The following THSD4 variants were observed in gnomAD, a reference collection of about 807,000 sequenced individuals.
THSD4 encodes the protein thrombospondin type-1 domain-containing protein 4.
In THSD4, 69 loss-of-function variants were observed where a neutral mutation model predicts 119.0. The ratio of observed to expected loss-of-function variants is 0.58; its 90% confidence interval spans 0.48 to 0.71. The LOEUF (loss-of-function observed/expected upper bound fraction) is 0.71, where lower values mean the gene tolerates loss of function less well. Ranked by LOEUF, THSD4 falls within the 30% of genes least tolerant of loss-of-function variation. The pLI, the probability that THSD4 is intolerant of heterozygous loss-of-function variation, is 0.00. For synonymous variants in THSD4, 524 were observed against 540.4 expected (o/e 0.97, Z 0.42); for missense variants, 1,393 against 1,391.1 (o/e 1.00, Z -0.02).
chr15:71,288,022 A>G (rs2068040), intron 6 of THSD4, among the ~76,000 whole-genome samples: 7,157 of 152,302 alleles, frequency 0.047, 220 homozygotes, highest in South Asian at 0.098. Context: ...AAATATAGAT[A>G]GGCCACCTAC....
intron 15 of THSD4, 148 bp downstream of exon 15, chr15:71,758,223 T>A (rs2053577107): frequency 9.6e-7 from 1 of 1,037,654 alleles, no homozygotes; most frequent in Non-Finnish European, 1.4e-6. Context: ...AAGCTATTTA[T>A]ATTTCTGGAG....
rs548423676 is a variant in THSD4, at chr15:71,777,904, C to T, written c.*530C>T. The stretch of plus-strand genomic sequence containing the variant: ...CAAAGACATTAGACTGTTTTCCTGC[C>T]CTATGACACAGATAGCTCACATGAA... On this transcript the variant is annotated 3_prime_UTR_variant, in exon 18 of 18. Coordinates refer to ENST00000261862, the MANE Select transcript of THSD4 (RefSeq NM_024817.3). 5.0e-5 allele frequency: 8 copies of T among 160,632 alleles called. No individual in the cohort carries two copies. In the South Asian group the frequency reaches 1.4e-3, roughly 29 times the overall value. 10.0% of individuals were successfully genotyped at this position (160,632 alleles called of 1,614,324 possible).
intron 7 of THSD4, among the ~76,000 whole-genome samples, chr15:71,480,238 A>G (rs527728872): frequency 6.6e-5 from 10 of 152,200 alleles, no homozygotes; most frequent in South Asian, 4.1e-4. Context: ...AAGTCTTACT[A>G]TGTTGCCCAC....
At chr15:71,476,769 A>C (rs888390520) in intron 7 of THSD4, among the ~76,000 whole-genome samples, 2 of 152,168 alleles carry the variant, frequency 1.3e-5, no homozygotes, top group African/African-American at 2.4e-5. Context: ...TTGTTCAAGA[A>C]ACAGTGCAGC....
At chr15:71,172,700 T>C (rs1405535910) in intron 3 of THSD4, among the ~76,000 whole-genome samples, 6 of 98,740 alleles carry the variant, frequency 6.1e-5, no homozygotes, top group South Asian at 3.1e-4. Context: ...TATATATATA[T>C]ATATATATAT....
At chr15:71,692,011 A>G (rs1182565516) in intron 8 of THSD4, among the ~76,000 whole-genome samples, 1 of 152,248 alleles carries the variant, frequency 6.6e-6, no homozygotes, top group East Asian at 1.9e-4. Context: ...AGGGATAACA[A>G]CATTCCAGCT....
At chr15:71,642,629 G>A (rs911554504) in intron 7 of THSD4, among the ~76,000 whole-genome samples, 1 of 152,168 alleles carries the variant, frequency 6.6e-6, no homozygotes, top group Non-Finnish European at 1.5e-5. Context: ...CGTAAAAAAT[G>A]ATGAGTTCAC....
chr15:71,641,531 A>T (rs2050858057), intron 7 of THSD4, among the ~76,000 whole-genome samples: 2 of 152,074 alleles, frequency 1.3e-5, no homozygotes, highest in African/African-American at 4.8e-5. Flanking sequence ...ATTGACAGAA[A>T]GGTTATGCGT....
intron 16 of THSD4, among the ~76,000 whole-genome samples, chr15:71,768,495 T>C (rs1378789714): frequency 6.6e-6 from 1 of 150,994 alleles, no homozygotes; most frequent in Non-Finnish European, 1.5e-5. Context: ...GGGAAACCTA[T>C]GGATTGAAAG....
At chr15:71,156,988 T>G (rs1458354538) in intron 3 of THSD4, among the ~76,000 whole-genome samples, 2 of 152,338 alleles carry the variant, frequency 1.3e-5, no homozygotes, top group Non-Finnish European at 2.9e-5. Flanking sequence ...ATTCATAATA[T>G]CAGGAGTCAG....
chr15:71,598,279 A>G (rs1567055154), intron 7 of THSD4, among the ~76,000 whole-genome samples: 2 of 152,330 alleles, frequency 1.3e-5, no homozygotes, highest in South Asian at 4.1e-4. Flanking sequence ...TATCCAGCCC[A>G]TGATACATTT....
chr15:71,486,630 T>TG (rs2047825946), intron 7 of THSD4, among the ~76,000 whole-genome samples: 1 of 141,724 alleles, frequency 7.1e-6, no homozygotes, highest in South Asian at 2.3e-4. Context: ...TTTTTTTTTT[T>TG]TTTTTTATTT....
In THSD4 at chr15:71,590,159, C is replaced by T. The variant is rs185925994; in HGVS notation, c.1153-70371C>T. ...TTCAGTCATATCTGTTGGGTTAAGACAAATCTGGGTGATGGAAACCCAAGT... is the reference window on the plus strand; with the variant it reads ...TTCAGTCATATCTGTTGGGTTAAGATAAATCTGGGTGATGGAAACCCAAGT... On this transcript the variant is annotated intron_variant, in intron 7 of 17. Coordinates refer to ENST00000261862, the MANE Select transcript of THSD4 (RefSeq NM_024817.3). Among the ~76,000 whole-genome samples the T allele has an allele frequency of 9.4e-5, 13 of 138,846 alleles. 4 individuals are homozygous for T. The highest frequency in any genetic ancestry group is 2.3e-4 in the South Asian group (1 of 4,366). 91.1% of individuals were successfully genotyped at this position (138,846 alleles called of 152,430 possible).
At chr15:71,558,751 G>A (rs1397058692) in intron 7 of THSD4, among the ~76,000 whole-genome samples, 2 of 152,082 alleles carry the variant, frequency 1.3e-5, no homozygotes, top group South Asian at 2.1e-4. Flanking sequence ...GATTACACAC[G>A]TGAGCCACTG....
chr15:71,647,869 A>G (rs2051001693), intron 7 of THSD4, among the ~76,000 whole-genome samples: 1 of 152,320 alleles, frequency 6.6e-6, no homozygotes, highest in African/African-American at 2.4e-5. Context: ...GAGATGCTGA[A>G]GCAGTGTGGC....
At chr15:71,714,597 A>G (rs2052571467) in intron 8 of THSD4, among the ~76,000 whole-genome samples, 1 of 148,766 alleles carries the variant, frequency 6.7e-6, no homozygotes, top group Non-Finnish European at 1.5e-5. Context: ...TGTAATCCCA[A>G]TACTTTGGGA....
chr15:71,297,266 A>G (rs2044875162), intron 6 of THSD4, among the ~76,000 whole-genome samples: 1 of 148,312 alleles, frequency 6.7e-6, no homozygotes, highest in Non-Finnish European at 1.5e-5. Flanking sequence ...GGCCATTCAT[A>G]TATCTTATTT....
chr15:71,311,543 G>A (rs2045111147), intron 6 of THSD4, among the ~76,000 whole-genome samples: 1 of 152,136 alleles, frequency 6.6e-6, no homozygotes, highest in Non-Finnish European at 1.5e-5. Flanking sequence ...TCTGATCCCG[G>A]GGTTTCATGG....
At chr15:71,576,625 A>G (rs1189305678) in intron 7 of THSD4, among the ~76,000 whole-genome samples, 4 of 152,206 alleles carry the variant, frequency 2.6e-5, no homozygotes, top group Admixed American at 2.6e-4. Context: ...AGTTTGATTG[A>G]CAACCATTTG....
Sources: allele counts gnomAD v4.1 joint callset (sites outside exome capture counted in the v4.1 genomes callset), GRCh38; gene constraint gnomAD v4.1.1; transcripts MANE v1.5; gene names NCBI Gene and HGNC (gene_info 2026-07-23, HGNC 2026-07-21).